Variants in DNHD1 observed in about 807,000 individuals in gnomAD.
DNHD1 encodes dynein heavy chain domain 1, also known as dynein heavy chain domain-containing protein 1.
DNHD1 carries 383 observed loss-of-function variants against 458.1 expected under a neutral mutation model. The observed-to-expected ratio is 0.84, with a 90% CI of 0.77 to 0.91. The LOEUF (loss-of-function observed/expected upper bound fraction) is 0.91, where lower values mean the gene tolerates loss of function less well. DNHD1 is among the 40% of genes least tolerant of loss of function. The pLI is 0.00. For missense variants in DNHD1, 5,336 were observed against 5,866.1 expected (o/e 0.91, Z 2.95); for synonymous variants, 2,203 against 2,376.9 (o/e 0.93, Z 2.13).
intron 11 of DNHD1, 26 bp from the exon 12 acceptor site, chr11:6,528,852 G>T (rs539093963): frequency 1.3e-6 from 2 of 1,551,146 alleles, no homozygotes; most frequent in Admixed American, 3.9e-5. Flanking sequence ...GCATGCCTCT[G>T]CCCTAAACAC....
At chr11:6,566,019 C>T (rs1253631761) in intron 33 of DNHD1, 28 bp downstream of exon 33, 1 of 1,441,048 alleles carries the variant, frequency 6.9e-7, no homozygotes. Flanking sequence ...CCCACCCTGG[C>T]CCCTTTTTGA....
At chr11:6,506,033 A>G (rs2134370501) in intron 4 of DNHD1, among the ~76,000 whole-genome samples, 1 of 152,346 alleles carries the variant, frequency 6.6e-6, no homozygotes, top group South Asian at 2.1e-4. Context: ...GAGATAAGAA[A>G]CTATTGACAA....
chr11:6,564,572 C>A lies in DNHD1; in HGVS notation c.10524C>A (p.Phe3508Leu), dbSNP rs1457981865. The change falls in exon 32 of 43, where the codon TTC becomes TTA. Residue 3508 changes from phenylalanine (F) to leucine (L), a missense_variant. Around this residue, in one of 4 missense-constraint regions of DNHD1, gnomAD observed 3,932 missense variants for 4,365.6 expected, o/e 0.90. Coordinates refer to ENST00000254579, the MANE Select transcript of DNHD1 (RefSeq NM_144666.3). Reference protein sequence around the residue: ...KNPLLATHSPFSILSLLSSES... With the variant: ...KNPLLATHSPLSILSLLSSES... ...CCCTGCTGGCTACACACTCTCCCTTCAGTATTCTGTCCTTGCTGAGCTCTG... is the reference window on the plus strand; with the variant it reads ...CCCTGCTGGCTACACACTCTCCCTTAAGTATTCTGTCCTTGCTGAGCTCTG... 4.6e-5 allele frequency: 71 copies of A among 1,551,612 alleles called. No individual in the cohort carries two copies. The highest frequency in any genetic ancestry group is 5.8e-5 in the Non-Finnish European group (66 of 1,147,008).
chr11:6,498,963 T>A lies in DNHD1; in HGVS notation c.746+2T>A. The A allele has an allele frequency of 1.3e-6, 2 of 1,594,112 alleles. No homozygotes were observed. On this transcript the variant is annotated splice_donor_variant, in intron 3 of 42. Transcript: ENST00000254579. LOFTEE classifies it high-confidence loss of function. ...GCCTGTTGGAAGAAAAGAGACCAGG[T>A]AAGTGAGGGACTCAGTCTAGGGCTT...
At chr11:6,524,585 T>C (rs887798476) in intron 10 of DNHD1, among the ~76,000 whole-genome samples, 3 of 152,246 alleles carry the variant, frequency 2.0e-5, no homozygotes, top group Admixed American at 1.3e-4. Context: ...TGATTCAGCT[T>C]CTCCTGTAGA....
chr11:6,500,068 G>A (rs956394962), intron 3 of DNHD1, among the ~76,000 whole-genome samples: 2 of 151,454 alleles, frequency 1.3e-5, no homozygotes, highest in African/African-American at 2.4e-5. Context: ...AGGTTCAAGC[G>A]ATTCTTTTGC....
chr11:6,570,810 AGCTTGCGGAAAGGCGACT>A lies in DNHD1; in HGVS notation c.13301_13318del (p.Leu4434_Leu4439del). Reference sequence around the variant, plus strand: ...GTTCCTGAGTCTCGAAGAGGCGCCCAGCTTGCGGAAAGGCGACTGCGGCAACGCCTAGTGCAAGTCAAC... The same window carrying A: ...GTTCCTGAGTCTCGAAGAGGCGCCCAGCGGCAACGCCTAGTGCAAGTCAAC... On this transcript the variant is annotated inframe_deletion, in exon 42 of 43. Transcript: ENST00000254579. 6.2e-7 allele frequency: 1 copy of A among 1,613,918 alleles called. No individual in the cohort carries two copies. The highest frequency in any genetic ancestry group is 1.1e-5 in the South Asian group (1 of 91,078).
In DNHD1 at chr11:6,498,208, A is replaced by C; in HGVS notation, c.-8A>C. 1 of 1,604,744 alleles carries C rather than the reference A, an allele frequency of 6.2e-7. No individual in the cohort carries two copies. The highest frequency in any genetic ancestry group is 8.5e-7 in the Non-Finnish European group (1 of 1,173,676). ...TCACTTCGACAGCAGTTGAATGCCC[A>C]GCTCCTCATGGTCCCGGAGGAGAGG... On this transcript the variant is annotated 5_prime_UTR_variant, in exon 3 of 43. Transcript: ENST00000254579.
chr11:6,520,550 C>T (rs2134396107), intron 10 of DNHD1: 1 of 1,305,248 alleles, frequency 7.7e-7, no homozygotes, highest in Admixed American at 3.2e-5. Flanking sequence ...ATTGTCCTTC[C>T]AAACCTGATT....
At chr11:6,532,815 G>A (rs1300643983) in intron 12 of DNHD1, among the ~76,000 whole-genome samples, 5 of 152,124 alleles carry the variant, frequency 3.3e-5, no homozygotes, top group African/African-American at 1.2e-4. Flanking sequence ...GAAACTTTCT[G>A]TCTCATTCAT....
In DNHD1 at chr11:6,547,954, G is replaced by A. The variant is rs1222498636; in HGVS notation, c.6819G>A (p.Val2273=). ...GGTCCCAGGTTGACAGTGACGATGT[G>A]CCAGATAAGTGCAGGGAACACTTGC... ...LNRSQVDSDD[V]PDKCREHLLA... Residue 2273 remains valine, a synonymous_variant, in exon 22 of 43, where the codon GTG becomes GTA. Coordinates refer to ENST00000254579, the MANE Select transcript of DNHD1 (RefSeq NM_144666.3). 3 of 1,551,730 alleles carry A rather than the reference G, an allele frequency of 1.9e-6. No individual in the cohort carries two copies. The highest frequency in any genetic ancestry group is 2.6e-6 in the Non-Finnish European group (3 of 1,147,030).
At position 6,564,690 on chromosome 11, in the gene DNHD1, AG is replaced by A. The variant is rs1396373308; in HGVS notation, c.10643del (p.Ser3548IlefsTer43). The A allele has an allele frequency of 4.5e-6, 7 of 1,551,498 alleles. No homozygotes were observed. Among genetic ancestry groups the A allele is most frequent in the Non-Finnish European group, 6.1e-6 (7 of 1,146,876 alleles). On this transcript the variant is annotated frameshift_variant, in exon 32 of 43. Coordinates refer to ENST00000254579, the MANE Select transcript of DNHD1 (RefSeq NM_144666.3). LOFTEE classifies it high-confidence loss of function. ...GCTTCTGCGAAGCCCCACACACTAC[AG>A]TAGTTGCCGTTGGCCTCTGCTGCTT... ...GLLLRSPTHY[S>X]SCRWPLLLDP...
chr11:6,556,493 A>G (rs890299477), intron 24 of DNHD1, among the ~76,000 whole-genome samples, 190 bp from the exon 25 acceptor site: 5 of 152,336 alleles, frequency 3.3e-5, no homozygotes, highest in Admixed American at 3.3e-4. Flanking sequence ...TAGGGAGAAG[A>G]GAGAAGAAAT....
chr11:6,547,106 C>T lies in DNHD1; in HGVS notation c.6167C>T (p.Pro2056Leu). Residue 2056 changes from proline (P) to leucine (L), a missense_variant, in exon 21 of 43, where the codon CCC becomes CTC. By Grantham distance (98) the Pro-to-Leu change is moderately conservative. This residue lies in a region of DNHD1 where 3,932 missense variants were observed against 4,365.6 expected (regional missense o/e 0.90). Coordinates refer to ENST00000254579, the MANE Select transcript of DNHD1 (RefSeq NM_144666.3). ...TCCTGCTGGCATCATGGCATCTTTC[C>T]CAAGGTACTTCGTGCAGCCGGTCAG... ...EGSCWHHGIF[P>L]KVLRAAGQCN... The T allele has an allele frequency of 1.3e-6, 2 of 1,551,748 alleles. No homozygotes were observed. The highest frequency in any genetic ancestry group is 8.7e-7 in the Non-Finnish European group (1 of 1,147,008).
At chr11:6,524,922 T>G (rs865968487) in intron 10 of DNHD1, among the ~76,000 whole-genome samples, 19 of 152,204 alleles carry the variant, frequency 1.2e-4, no homozygotes, top group African/African-American at 4.1e-4. Context: ...TTCCAGAGTT[T>G]GTTCTGTGGC....
At chr11:6,542,073 T>C (rs1279143769) in intron 18 of DNHD1, among the ~76,000 whole-genome samples, 2 of 152,224 alleles carry the variant, frequency 1.3e-5, no homozygotes, top group Non-Finnish European at 2.9e-5. Flanking sequence ...TTGCAGCACA[T>C]TGATAAATGG....
At chr11:6,521,554 A>G (rs145961956) in intron 10 of DNHD1, among the ~76,000 whole-genome samples, 1 of 152,318 alleles carries the variant, frequency 6.6e-6, no homozygotes, top group Admixed American at 6.5e-5. Flanking sequence ...GAATGAAAAG[A>G]TAGAAGGAAA....
chr11:6,566,516 TA>T lies in DNHD1; in HGVS notation c.11207-70del. The T allele has an allele frequency of 2.5e-6, 4 of 1,570,824 alleles. No individual in the cohort carries two copies. In the Admixed American group the frequency reaches 7.3e-5, roughly 29 times the overall value. On this transcript the variant is annotated intron_variant, in intron 34 of 42. Coordinates refer to ENST00000254579, the MANE Select transcript of DNHD1 (RefSeq NM_144666.3). Reference sequence around the variant, plus strand: ...GGCACAGGTCTATAGCAGGGAGCCATACTCCCTGTCTACTCTACCCCCTGGC... The same window carrying T: ...GGCACAGGTCTATAGCAGGGAGCCATCTCCCTGTCTACTCTACCCCCTGGC...
chr11:6,552,391 G>C (rs1306490396), intron 24 of DNHD1, among the ~76,000 whole-genome samples: 1 of 151,946 alleles, frequency 6.6e-6, no homozygotes. Context: ...GGGTGTGGTG[G>C]GGGTCACCTG....
Sources: gnomAD v4.1 joint callset for allele counts (sites outside exome capture counted in the v4.1 genomes callset) on GRCh38, gnomAD v4.1.1 for gene constraint, gnomAD v4.1.1 regional missense constraint, MANE v1.5 for transcripts, NCBI Gene and HGNC (gene_info 2026-07-23, HGNC 2026-07-21) for gene names.